The following GFRA1 variants were observed in gnomAD, a reference collection of about 807,000 sequenced individuals.
GFRA1 encodes GDNF family receptor alpha-1.
Under a neutral mutation model 51.6 loss-of-function variants are expected in GFRA1, and 16 were observed. The observed-to-expected ratio is 0.31, with a 90% CI of 0.21 to 0.47. The LOEUF (loss-of-function observed/expected upper bound fraction) is 0.47. GFRA1 is among the 20% of genes least tolerant of loss of function. The pLI is 1.00. For missense variants in GFRA1, 530 were observed against 594.3 expected, an observed-to-expected ratio of 0.89 and a Z score of 1.13; for synonymous variants, 270 against 241.3, an observed-to-expected ratio of 1.12 and a Z score of -1.10.
intron 9 of GFRA1, among the ~76,000 whole-genome samples, chr10:116,084,257 T>C (rs1432170227): frequency 1.3e-5 from 2 of 152,230 alleles, no homozygotes; most frequent in Non-Finnish European, 2.9e-5. Flanking sequence ...TCGAAGATTA[T>C]CCACATGGAC....
chr10:116,077,947 ACT>A (rs1955688445), intron 9 of GFRA1, among the ~76,000 whole-genome samples: 1 of 152,206 alleles, frequency 6.6e-6, no homozygotes, highest in Non-Finnish European at 1.5e-5. Context: ...CAGGAACAGC[ACT>A]GTTTTCCCTT....
chr10:116,202,396 G>T (rs1964406352), intron 5 of GFRA1, among the ~76,000 whole-genome samples: 1 of 152,180 alleles, frequency 6.6e-6, no homozygotes, highest in Non-Finnish European at 1.5e-5. Context: ...AAATGTCACA[G>T]TGGCTGTGAA....
At position 116,167,382 on chromosome 10, in the gene GFRA1, T is replaced by C. The variant is rs374656132; in HGVS notation, c.434-41825A>G. On this transcript the variant is annotated intron_variant, in intron 5 of 10. Coordinates refer to ENST00000355422, the MANE Select transcript of GFRA1 (RefSeq NM_005264.8). ...CTTGGAACAACTCTAACACGTGGTC[T>C]GGCATAAGCCTCTTACTTTCTCCTT... is the stretch of plus-strand genomic sequence containing the variant. Among the ~76,000 whole-genome samples, 8 of 152,234 alleles carry C rather than the reference T, an allele frequency of 5.3e-5. 1 individual carries two copies. Among genetic ancestry groups the C allele is most frequent in the East Asian group, 3.9e-4 (2 of 5,134 alleles).
chr10:116,073,725 A>T (rs1955502470), intron 9 of GFRA1, among the ~76,000 whole-genome samples: 1 of 152,178 alleles, frequency 6.6e-6, no homozygotes, highest in Non-Finnish European at 1.5e-5. Flanking sequence ...CATGAAGCCT[A>T]TCTCATCAGA....
At chr10:116,191,867 A>G (rs560292117) in intron 5 of GFRA1, among the ~76,000 whole-genome samples, 3 of 152,222 alleles carry the variant, frequency 2.0e-5, no homozygotes, top group African/African-American at 7.2e-5. Context: ...TCTCTACTAA[A>G]AATACAAAAA....
intron 4 of GFRA1, among the ~76,000 whole-genome samples, chr10:116,225,685 G>A (rs1427146520): frequency 1.3e-5 from 2 of 151,046 alleles, no homozygotes; most frequent in Non-Finnish European, 2.9e-5. Flanking sequence ...TGCCTCCCAA[G>A]TTCAAGCAAT....
Position 116,083,686 on chromosome 10 carries a change from C to T in GFRA1, c.1197+6055G>A, listed in dbSNP as rs181530988. Among the ~76,000 whole-genome samples, 366 of 152,240 alleles carry T rather than the reference C, an allele frequency of 2.4e-3. 2 individuals are homozygous for T. The highest frequency in any genetic ancestry group is 6.8e-3 in the Middle Eastern group (2 of 294). ...TAGGCTTGGATAATTGCCTTCCCAC[C>T]GCATCTAGACTTTGGGGGTTTGCCC... is the stretch of plus-strand genomic sequence containing the variant. On this transcript the variant is annotated intron_variant, in intron 9 of 10. Transcript: ENST00000355422.
In GFRA1 at chr10:116,056,990, T is replaced by C. The variant is rs1242938535; in HGVS notation, c.*7408A>G. The C allele has an allele frequency of 6.6e-6, 1 of 152,218 alleles. No individual in the cohort carries two copies. Among genetic ancestry groups the C allele is most frequent in the Non-Finnish European group, 1.5e-5 (1 of 68,040 alleles). 9.4% of individuals were successfully genotyped at this position (152,218 alleles called of 1,614,324 possible). On this transcript the variant is annotated 3_prime_UTR_variant, in exon 11 of 11. Coordinates refer to ENST00000355422, the MANE Select transcript of GFRA1 (RefSeq NM_005264.8). ...GGGGTGAGAGGATGGCCAAAGGGAC[T>C]ATGTACATTCTGTAGTGCTTGAGCA... is the stretch of plus-strand genomic sequence containing the variant.
At chr10:116,118,029 C>A (rs554362497) in intron 6 of GFRA1, among the ~76,000 whole-genome samples, 1 of 54,134 alleles carries the variant, frequency 1.8e-5, no homozygotes, top group East Asian at 8.1e-4. Flanking sequence ...TCTCTTCTCA[C>A]CCACTTTCTC....
In GFRA1 at chr10:116,064,265, A is replaced by G; in HGVS notation, c.*133T>C. On this transcript the variant is annotated 3_prime_UTR_variant, in exon 11 of 11. Transcript: ENST00000355422. ...GAAGCTTTCTTAAAAGGAAAAAAAA[A>G]AAATGTTCCAGTTGAATGGAACTGT... 1 of 794,282 alleles carries G rather than the reference A, an allele frequency of 1.3e-6. No individual in the cohort carries two copies. Among genetic ancestry groups the G allele is most frequent in the South Asian group, 1.7e-5 (1 of 60,334 alleles). 49.2% of individuals were successfully genotyped at this position (794,282 alleles called of 1,614,324 possible).
rs944343388 is a variant in GFRA1, at chr10:116,125,659, C to T, written c.434-102G>A. The T allele has an allele frequency of 5.3e-5, 48 of 911,422 alleles. 1 individual carries two copies. Among genetic ancestry groups the T allele is most frequent in the African/African-American group, 3.8e-4 (23 of 61,274 alleles). The allele number at this position is 911,422 out of a possible 1,614,324, so 56.5% of individuals were successfully genotyped here. On this transcript the variant is annotated intron_variant, in intron 5 of 10. Coordinates refer to ENST00000355422, the MANE Select transcript of GFRA1 (RefSeq NM_005264.8). ...CCTGCCATTTATCTGGCATTGCCAG[C>T]GGCTCTAGAACTTAATGAGTTTTGA... is the stretch of plus-strand genomic sequence containing the variant.
At chr10:116,067,222 C>A (rs1003614980) in intron 9 of GFRA1, among the ~76,000 whole-genome samples, 1 of 152,204 alleles carries the variant, frequency 6.6e-6, no homozygotes, top group Non-Finnish European at 1.5e-5. Context: ...TGCATTGTCA[C>A]CTACAGAGAG....
chr10:116,222,238 G>A (rs1174590096), intron 4 of GFRA1, among the ~76,000 whole-genome samples: 3 of 151,946 alleles, frequency 2.0e-5, no homozygotes, highest in South Asian at 2.1e-4. Flanking sequence ...TTGCCCTGTC[G>A]CCCAGGCTGG....
At chr10:116,266,486 T>C (rs1365003553) in intron 4 of GFRA1, among the ~76,000 whole-genome samples, 2 of 152,214 alleles carry the variant, frequency 1.3e-5, no homozygotes, top group African/African-American at 2.4e-5. Context: ...AAGTCTCCAT[T>C]TGGCTTTACT....
intron 4 of GFRA1, among the ~76,000 whole-genome samples, chr10:116,237,429 C>A (rs1209354022): frequency 1.3e-5 from 2 of 152,134 alleles, no homozygotes; most frequent in Admixed American, 1.3e-4. Flanking sequence ...TGCTATGTGG[C>A]AGAGGAAGGA....
At chr10:116,228,342 TAAG>T (rs1966448611) in intron 4 of GFRA1, among the ~76,000 whole-genome samples, 1 of 152,188 alleles carries the variant, frequency 6.6e-6, no homozygotes, top group Non-Finnish European at 1.5e-5. Flanking sequence ...TGGAGATGCC[TAAG>T]AAGACAGCCA....
At chr10:116,073,404 G>A (rs1955488545) in intron 9 of GFRA1, among the ~76,000 whole-genome samples, 1 of 152,166 alleles carries the variant, frequency 6.6e-6, no homozygotes, top group Admixed American at 6.5e-5. Flanking sequence ...AGAACTGTTT[G>A]TTTTCATTCA....
chr10:116,191,981 C>A (rs567270808), intron 5 of GFRA1, among the ~76,000 whole-genome samples: 2 of 152,136 alleles, frequency 1.3e-5, no homozygotes, highest in African/African-American at 4.8e-5. Flanking sequence ...GAGCCGAGAT[C>A]GCGCCATTGC....
At chr10:116,115,870 G>A (rs1362900098) in intron 6 of GFRA1, among the ~76,000 whole-genome samples, 2 of 152,162 alleles carry the variant, frequency 1.3e-5, no homozygotes, top group Non-Finnish European at 2.9e-5. Context: ...GTGGCTGGTG[G>A]ACAGAGCAGA....
Sources: allele counts gnomAD v4.1 joint callset (sites outside exome capture counted in the v4.1 genomes callset), GRCh38; gene constraint gnomAD v4.1.1; transcripts MANE v1.5; gene names NCBI Gene and HGNC (gene_info 2026-07-23, HGNC 2026-07-21).